The following FHIT variants were observed in gnomAD, a reference collection of about 807,000 sequenced individuals.
The protein encoded by FHIT is bis(5'-adenosyl)-triphosphatase.
FHIT carries 19 observed loss-of-function variants against 17.9 expected under a neutral mutation model. The observed-to-expected ratio is 1.06, with a 90% CI of 0.74 to 1.56. The LOEUF is 1.56. Among genes scored for constraint, FHIT ranks in the 40% most tolerant of loss-of-function variants. FHIT has a pLI of 0.00. For missense variants in FHIT, 248 were observed against 189.2 expected, an observed-to-expected ratio of 1.31 and a Z score of -1.82; for synonymous variants, 81 against 69.7, an observed-to-expected ratio of 1.16 and a Z score of -0.81.
At chr3:59,940,190 G>C (rs373740949) in intron 7 of FHIT, among the ~76,000 whole-genome samples, 1 of 152,130 alleles carries the variant, frequency 6.6e-6, no homozygotes, top group African/African-American at 2.4e-5. Context: ...ACCCAGACTA[G>C]TACTTGGAAC....
chr3:60,572,133 G>C (rs565184073), intron 4 of FHIT, among the ~76,000 whole-genome samples: 1 of 152,130 alleles, frequency 6.6e-6, no homozygotes, highest in East Asian at 1.9e-4. Flanking sequence ...TACCCATCAA[G>C]ACCTAATCAA....
At chr3:61,017,492 G>A (rs749987095) in intron 3 of FHIT, among the ~76,000 whole-genome samples, 1 of 152,130 alleles carries the variant, frequency 6.6e-6, no homozygotes, top group Non-Finnish European at 1.5e-5. Context: ...AAAAAATTAG[G>A]CCTTGTTTCA....
intron 3 of FHIT, among the ~76,000 whole-genome samples, chr3:60,962,034 C>T (rs566325312): frequency 6.6e-6 from 1 of 152,296 alleles, no homozygotes; most frequent in South Asian, 2.1e-4. Context: ...TGGCCATTTT[C>T]ACGATATTGA....
At position 61,085,728 on chromosome 3, in the gene FHIT, T is replaced by C. The variant is rs147015788; in HGVS notation, c.-163-43629A>G. Among the ~76,000 whole-genome samples, 3 of 152,242 alleles carry C rather than the reference T, an allele frequency of 2.0e-5. No homozygotes were observed. In the East Asian group the frequency reaches 5.8e-4, roughly 29 times the overall value. On this transcript the variant is annotated intron_variant, in intron 2 of 9. Coordinates refer to ENST00000492590, the MANE Select transcript of FHIT (RefSeq NM_002012.4). ...AAAGTCATAAAACCTTTCCTGTATG[T>C]TTTCATCTAGAAGTTTTATAGTTTT...
chr3:60,860,436 ATCATG>A (rs1703665092), intron 3 of FHIT, among the ~76,000 whole-genome samples: 1 of 135,314 alleles, frequency 7.4e-6, no homozygotes, highest in Non-Finnish European at 1.6e-5. Flanking sequence ...ATACATATAT[ATCATG>A]TATATATGAT....
At chr3:61,090,856 G>T (rs904813053) in intron 2 of FHIT, among the ~76,000 whole-genome samples, 3 of 152,032 alleles carry the variant, frequency 2.0e-5, no homozygotes, top group African/African-American at 7.2e-5. Context: ...TTTATTGTCA[G>T]GCACCAAAAG....
intron 2 of FHIT, among the ~76,000 whole-genome samples, chr3:61,144,763 G>A (rs572291447): frequency 1.3e-5 from 2 of 152,146 alleles, no homozygotes; most frequent in Non-Finnish European, 2.9e-5. Flanking sequence ...TCTCACTGTG[G>A]TTTTGGTTTG....
chr3:60,865,003 T>C (rs1704095351), intron 3 of FHIT, among the ~76,000 whole-genome samples: 1 of 151,508 alleles, frequency 6.6e-6, no homozygotes, highest in Non-Finnish European at 1.5e-5. Flanking sequence ...ATCGCCTTAG[T>C]TCACAATAAA....
chr3:59,988,314 C>G (rs1473010542), intron 7 of FHIT, among the ~76,000 whole-genome samples: 1 of 152,104 alleles, frequency 6.6e-6, no homozygotes, highest in Non-Finnish European at 1.5e-5. Context: ...GTGACTTACT[C>G]TCGCATCTCT....
At chr3:60,445,744 A>T (rs1451771259) in intron 5 of FHIT, among the ~76,000 whole-genome samples, 1 of 151,948 alleles carries the variant, frequency 6.6e-6, no homozygotes, top group African/African-American at 2.4e-5. Context: ...GAATTCAAAG[A>T]CAAAGACACA....
chr3:60,798,050 G>T (rs1317113833), intron 4 of FHIT, among the ~76,000 whole-genome samples: 5 of 152,060 alleles, frequency 3.3e-5, no homozygotes, highest in Non-Finnish European at 5.9e-5. Context: ...AACTTTTTCT[G>T]TAAAGAACCA....
At chr3:60,577,592 A>C (rs1393407748) in intron 4 of FHIT, among the ~76,000 whole-genome samples, 1 of 152,152 alleles carries the variant, frequency 6.6e-6, no homozygotes. Flanking sequence ...TTGTAAGAAA[A>C]AGGTTGCAGA....
chr3:60,522,163 G>A (rs992018238), intron 5 of FHIT, among the ~76,000 whole-genome samples: 2 of 142,362 alleles, frequency 1.4e-5, no homozygotes, highest in African/African-American at 2.6e-5. Flanking sequence ...GGCTGGTTGT[G>A]CAGTGGCACG....
intron 4 of FHIT, among the ~76,000 whole-genome samples, chr3:60,741,874 G>A (rs1553713969): frequency 6.6e-6 from 1 of 152,190 alleles, no homozygotes; most frequent in East Asian, 1.9e-4. Context: ...ATATGGCAAT[G>A]TTTTCCAAGT....
chr3:60,721,968 T>C (rs1553708165), intron 4 of FHIT, among the ~76,000 whole-genome samples: 1 of 152,140 alleles, frequency 6.6e-6, no homozygotes, highest in Non-Finnish European at 1.5e-5. Context: ...GACATACCAG[T>C]TAGGAGCTGG....
intron 2 of FHIT, among the ~76,000 whole-genome samples, chr3:61,180,416 AGATAATAT>A (rs1301043849): frequency 1.3e-5 from 2 of 152,256 alleles, no homozygotes; most frequent in Non-Finnish European, 2.9e-5. Context: ...GGAAGTCAGA[AGATAATAT>A]GCTAAGCAGA....
intron 5 of FHIT, among the ~76,000 whole-genome samples, chr3:60,179,075 T>A (rs1701808365): frequency 6.6e-6 from 1 of 152,188 alleles, no homozygotes; most frequent in Non-Finnish European, 1.5e-5. Flanking sequence ...GATTAAAGAT[T>A]CCTCAGAATT....
intron 5 of FHIT, among the ~76,000 whole-genome samples, chr3:60,060,313 T>G (rs534395626): frequency 6.6e-6 from 1 of 152,280 alleles, no homozygotes; most frequent in Admixed American, 6.5e-5. Context: ...CAAATTATAA[T>G]GAATTTAGAC....
At chr3:60,055,185 T>G (rs1175124692) in intron 5 of FHIT, among the ~76,000 whole-genome samples, 3 of 152,146 alleles carry the variant, frequency 2.0e-5, no homozygotes, top group Non-Finnish European at 4.4e-5. Flanking sequence ...CTCTCCCTCC[T>G]CTTGATGCTG....
Sources: allele counts gnomAD v4.1 joint callset (sites outside exome capture counted in the v4.1 genomes callset), GRCh38; gene constraint gnomAD v4.1.1; transcripts MANE v1.5; gene names NCBI Gene and HGNC (gene_info 2026-07-23, HGNC 2026-07-21).